Variants in MARVELD2 observed in about 807,000 individuals in gnomAD.
MARVELD2 encodes MARVEL domain containing 2, also known as MARVEL domain-containing protein 2.
MARVELD2 carries 49 observed loss-of-function variants against 57.6 expected under a neutral mutation model. The observed-to-expected ratio is 0.85, with a 90% confidence interval of 0.68 to 1.08. The LOEUF (loss-of-function observed/expected upper bound fraction) is 1.08. MARVELD2 is among the 50% of genes least tolerant of loss of function. MARVELD2 has a pLI of 0.00. For missense variants in MARVELD2, 606 were observed against 701.1 expected (o/e 0.86, Z 1.53); for synonymous variants, 238 against 258.8 (o/e 0.92, Z 0.77).
Position 69,419,124 on chromosome 5 carries a change from C to T in MARVELD2, c.-15-247C>T, listed in dbSNP as rs538526860. 3.3e-4 allele frequency: 184 copies of T among 561,072 alleles called. 2 individuals carry two copies. The South Asian group carries it at 3.7e-3, about 11-fold the overall frequency. 34.8% of individuals were successfully genotyped at this position (561,072 alleles called of 1,614,324 possible). ...TATTTTTAGTAGAGATAGTGTTTCACCATGTTGGTCAGGCTGGTCTCAAAC... is the reference window on the plus strand; with the variant it reads ...TATTTTTAGTAGAGATAGTGTTTCATCATGTTGGTCAGGCTGGTCTCAAAC... On this transcript the variant is annotated intron_variant, in intron 1 of 6. Coordinates refer to ENST00000325631, the MANE Select transcript of MARVELD2 (RefSeq NM_001038603.3).
rs186673463 is a variant in MARVELD2, at chr5:69,434,745, G to A, written c.1503+1652G>A. On this transcript the variant is annotated intron_variant, in intron 5 of 6. Transcript: ENST00000325631. ...GAGTTTTGCTCTTGTTGCCCAGGCTGGAGTGCCATGGCGCGATCTCGGCTC... is the reference window on the plus strand; with the variant it reads ...GAGTTTTGCTCTTGTTGCCCAGGCTAGAGTGCCATGGCGCGATCTCGGCTC... 3.0e-3 allele frequency among the ~76,000 whole-genome samples: 455 copies of A among 152,172 alleles called. 1 individual carries two copies. The highest frequency in any genetic ancestry group is 4.5e-3 in the Non-Finnish European group (303 of 68,012).
chr5:69,419,208 G>A (rs1353854592), intron 1 of MARVELD2, 163 bp from the exon 2 acceptor site: 1 of 769,310 alleles, frequency 1.3e-6, no homozygotes, highest in African/African-American at 1.7e-5. Context: ...TTACAGGCAT[G>A]AGCCACCGTG....
intron 5 of MARVELD2, among the ~76,000 whole-genome samples, chr5:69,436,404 C>A (rs1767140313): frequency 3.2e-5 from 1 of 30,952 alleles, no homozygotes; most frequent in South Asian, 1.1e-3. Flanking sequence ...TGTATGGGAA[C>A]ACACACACAC....
rs776465165 is a variant in MARVELD2, at chr5:69,425,402, T to A, written c.1182+766T>A. On this transcript the variant is annotated intron_variant, in intron 3 of 6. Coordinates refer to ENST00000325631, the MANE Select transcript of MARVELD2 (RefSeq NM_001038603.3). ...TAAAACTTAAAGTATAATAAAAAAA[T>A]ATATATATATTAAAAAAAAAAAAAG... Among the ~76,000 whole-genome samples the A allele has an allele frequency of 5.0e-3, 710 of 141,028 alleles. 2 individuals carry two copies. The highest frequency in any genetic ancestry group is 0.01 in the South Asian group (46 of 4,432). 92.5% of individuals were successfully genotyped at this position (141,028 alleles called of 152,430 possible).
At chr5:69,425,135 A>G (rs1052355070) in intron 3 of MARVELD2, among the ~76,000 whole-genome samples, 3 of 151,022 alleles carry the variant, frequency 2.0e-5, no homozygotes, top group African/African-American at 7.3e-5. Flanking sequence ...TCAGTAAACT[A>G]TCGCAAGAAC....
intron 3 of MARVELD2, 95 bp from the exon 4 acceptor site, chr5:69,432,432 C>T: frequency 7.3e-7 from 1 of 1,377,288 alleles, no homozygotes; most frequent in Non-Finnish European, 1.0e-6. Context: ...TGAGCCACCC[C>T]ACCTGATCTT....
chr5:69,419,254 TA>T (rs752257460), intron 1 of MARVELD2, 116 bp from the exon 2 acceptor site: 46 of 1,037,046 alleles, frequency 4.4e-5, no homozygotes, highest in Non-Finnish European at 6.7e-5. Context: ...TATATCATAA[TA>T]ATTAGACATG....
In MARVELD2 at chr5:69,419,745, T is replaced by A; in HGVS notation, c.360T>A (p.Ser120=). Residue 120 remains serine, a synonymous_variant, in exon 2 of 7, where the codon TCT becomes TCA. Transcript: ENST00000325631. ...GAGTGGAGTGTTCACCACCAGCCTC[T>A]CCAGCAAGACCAAACCACCGTTCGC... is the stretch of plus-strand genomic sequence containing the variant. ...SDGVECSPPA[S]PARPNHRSPL... is the part of the protein sequence containing the mutation. 6.2e-7 allele frequency: 1 copy of A among 1,614,092 alleles called. No homozygotes were observed. Among genetic ancestry groups the A allele is most frequent in the East Asian group, 2.2e-5 (1 of 44,892 alleles).
At position 69,441,802 on chromosome 5, in the gene MARVELD2, C is replaced by A. The variant is rs1580504983; in HGVS notation, c.*148C>A. ...GGTTCAAGCAATTCTCCTGTTCAAG[C>A]AATTAGCCTCCCCAGTAGCTGGGAT... On this transcript the variant is annotated 3_prime_UTR_variant, in exon 7 of 7. Transcript: ENST00000325631. 4 of 553,318 alleles carry A rather than the reference C, an allele frequency of 7.2e-6. No homozygotes were observed. The East Asian group carries it at 1.4e-4, about 20-fold the overall frequency. The allele number at this position is 553,318 out of a possible 1,614,324, so 34.3% of individuals were successfully genotyped here. A position where few individuals can be genotyped will look rare whatever the true frequency, so the allele number is the denominator to read the frequency against.
Position 69,441,563 on chromosome 5 carries a change from G to T in MARVELD2, c.1586G>T (p.Cys529Phe). The T allele has an allele frequency of 1.2e-6, 2 of 1,607,010 alleles. No individual in the cohort carries two copies. Among genetic ancestry groups the T allele is most frequent in the Non-Finnish European group, 1.7e-6 (2 of 1,174,112 alleles). ...DPTFLEKKER[C>F]DYLKNKLSHI... ...ACATTTCTGGAAAAAAAAGAACGCT[G>T]TGATTACCTAAAGAATAAACTTTCT... is the stretch of plus-strand genomic sequence containing the variant. The change falls in exon 7 of 7, where the codon TGT (cysteine) becomes TTT (phenylalanine). Residue 529 changes from cysteine to phenylalanine, a missense_variant. Physicochemically the swap from Cys to Phe is radical, Grantham distance 205. Coordinates refer to ENST00000325631, the MANE Select transcript of MARVELD2 (RefSeq NM_001038603.3).
Position 69,419,412 on chromosome 5 carries a change from T to A in MARVELD2, c.27T>A (p.Asn9Lys), listed in dbSNP as rs751155210. 1.2e-6 allele frequency: 2 copies of A among 1,614,184 alleles called. No homozygotes were observed. Among genetic ancestry groups the A allele is most frequent in the African/African-American group, 1.3e-5 (1 of 75,024 alleles). ...TGTCAAATGATGGAAGATCCAGGAA[T>A]CGGGACAGGCGCTACGATGAGGTCC... MSNDGRSR[N>K]RDRRYDEVPS... Residue 9 changes from asparagine (N) to lysine (K), a missense_variant, in exon 2 of 7, where the codon AAT (asparagine) becomes AAA (lysine). By Grantham distance (94) the Asn-to-Lys change is moderately conservative. Coordinates refer to ENST00000325631, the MANE Select transcript of MARVELD2 (RefSeq NM_001038603.3).
intron 3 of MARVELD2, among the ~76,000 whole-genome samples, chr5:69,425,137 C>A (rs370877008): frequency 6.7e-6 from 1 of 150,182 alleles, no homozygotes; most frequent in Admixed American, 6.7e-5. Context: ...AGTAAACTAT[C>A]GCAAGAACAA....
rs66984523 is a variant in MARVELD2, at chr5:69,436,402, AACACACACACAC to A, written c.1503+3349_1503+3360del. Among the ~76,000 whole-genome samples, 365 of 123,902 alleles carry A rather than the reference AACACACACACAC, an allele frequency of 2.9e-3. 3 individuals carry two copies. Among genetic ancestry groups the A allele is most frequent in the South Asian group, 0.021 (72 of 3,420 alleles). The allele number at this position is 123,902 out of a possible 152,430, so 81.3% of individuals were successfully genotyped here. Reference sequence around the variant, plus strand: ...ACTAAATGTCAAATTTATGTATGGGAACACACACACACACACACACACACACACACACACACA... The same window carrying A: ...ACTAAATGTCAAATTTATGTATGGGAACACACACACACACACACACACACA... On this transcript the variant is annotated intron_variant, in intron 5 of 6. Coordinates refer to ENST00000325631, the MANE Select transcript of MARVELD2 (RefSeq NM_001038603.3).
At chr5:69,439,929 GA>G (rs1767279048) in intron 5 of MARVELD2, among the ~76,000 whole-genome samples, 1 of 151,972 alleles carries the variant, frequency 6.6e-6, no homozygotes, top group South Asian at 2.1e-4. Flanking sequence ...ATAAAACTTA[GA>G]AAAAAGTTAC....
At chr5:69,441,039 C>T (rs571765936) in intron 6 of MARVELD2, among the ~76,000 whole-genome samples, 3 of 151,868 alleles carry the variant, frequency 2.0e-5, no homozygotes, top group South Asian at 2.1e-4. Flanking sequence ...GGAGACAGTA[C>T]GCCACTGCAC....
intron 5 of MARVELD2, among the ~76,000 whole-genome samples, chr5:69,434,747 A>C (rs540994459): frequency 6.6e-6 from 1 of 152,028 alleles, no homozygotes; most frequent in Non-Finnish European, 1.5e-5. Flanking sequence ...CCCAGGCTGG[A>C]GTGCCATGGC....
At position 69,420,368 on chromosome 5, in the gene MARVELD2, C is replaced by T. The variant is rs1220948558; in HGVS notation, c.983C>T (p.Thr328Ile). The stretch of plus-strand genomic sequence containing the variant: ...CTCTGCTACTATCCGTTATTTAATA[C>T]ACCAGTGAATGCAGTGTTCTGCCGG... ...GGLCYYPLFNTPVNAVFCRVE... is the reference protein window; with the variant it reads ...GGLCYYPLFNIPVNAVFCRVE... The change falls in exon 2 of 7, where the codon ACA (threonine) becomes ATA (isoleucine). Residue 328 changes from threonine to isoleucine, a missense_variant. By Grantham distance (89) the Thr-to-Ile change is moderately conservative (BLOSUM62 -1). Transcript: ENST00000325631. The T allele has an allele frequency of 6.2e-7, 1 of 1,614,166 alleles. No homozygotes were observed. The highest frequency in any genetic ancestry group is 1.7e-5 in the Admixed American group (1 of 60,014).
At chr5:69,434,307 T>C (rs1478428662) in intron 5 of MARVELD2, among the ~76,000 whole-genome samples, 1 of 151,780 alleles carries the variant, frequency 6.6e-6, no homozygotes, top group Non-Finnish European at 1.5e-5. Flanking sequence ...CTACAAAAAA[T>C]ATAAAAATTA....
At chr5:69,426,150 G>A (rs1000209913) in intron 3 of MARVELD2, among the ~76,000 whole-genome samples, 1 of 151,724 alleles carries the variant, frequency 6.6e-6, no homozygotes, top group African/African-American at 2.4e-5. Context: ...TTCTATGCCT[G>A]CATTTCTTCA....
Sources: gnomAD v4.1 joint callset for allele counts (sites outside exome capture counted in the v4.1 genomes callset) on GRCh38, gnomAD v4.1.1 for gene constraint, MANE v1.5 for transcripts, NCBI Gene and HGNC (gene_info 2026-07-23, HGNC 2026-07-21) for gene names.